The following CDC14B variants were observed in gnomAD, a reference collection of about 807,000 sequenced individuals.
CDC14B encodes dual specificity protein phosphatase CDC14B.
A neutral mutation model predicts 64.2 loss-of-function variants in CDC14B; 22 were observed. The observed-to-expected ratio is 0.34, with a 90% CI of 0.24 to 0.49. CDC14B has a LOEUF of 0.49. Ranked by LOEUF, CDC14B falls within the 20% of genes least tolerant of loss-of-function variation. The pLI is 0.99. For missense variants in CDC14B, 498 were observed against 629.9 expected, an observed-to-expected ratio of 0.79 and a Z score of 2.24; for synonymous variants, 191 against 215.8, an observed-to-expected ratio of 0.89 and a Z score of 1.01.
At chr9:96,577,196 A>G (rs879383114) in intron 1 of CDC14B, among the ~76,000 whole-genome samples, 4 of 151,702 alleles carry the variant, frequency 2.6e-5, no homozygotes, top group Non-Finnish European at 5.9e-5. Flanking sequence ...AGTTGCAGTG[A>G]GCAGAGATCA....
chr9:96,569,470 T>A (rs1844346659), intron 1 of CDC14B, among the ~76,000 whole-genome samples: 1 of 152,186 alleles, frequency 6.6e-6, no homozygotes, highest in Non-Finnish European at 1.5e-5. Flanking sequence ...GTATTTTATA[T>A]ATTACAGGTC....
intron 1 of CDC14B, among the ~76,000 whole-genome samples, chr9:96,607,097 A>C (rs1053502647): frequency 7.2e-5 from 11 of 152,076 alleles, no homozygotes; most frequent in African/African-American, 2.4e-4. Flanking sequence ...AAAAACAAAA[A>C]AAAATCTGAG....
At chr9:96,512,802 T>G (rs1463677353) in intron 12 of CDC14B, among the ~76,000 whole-genome samples, 1 of 151,626 alleles carries the variant, frequency 6.6e-6, no homozygotes, top group East Asian at 1.9e-4. Flanking sequence ...TCCGCTCCCC[T>G]CGGCCACTCC....
chr9:96,606,475 G>A (rs920832168), intron 1 of CDC14B, among the ~76,000 whole-genome samples: 1 of 151,356 alleles, frequency 6.6e-6, no homozygotes, highest in East Asian at 1.9e-4. Context: ...TTGAGCCCAG[G>A]AGTTCTAGAC....
Position 96,580,893 on chromosome 9 carries a change from T to G in CDC14B, c.161-15410A>C, listed in dbSNP as rs191133164. Among the ~76,000 whole-genome samples, 743 of 152,160 alleles carry G rather than the reference T, an allele frequency of 4.9e-3. 4 individuals carry two copies. Among genetic ancestry groups the G allele is most frequent in the Non-Finnish European group, 6.4e-3 (432 of 67,982 alleles). ...GCATGATATATGTAAACAGAATAAA[T>G]CAAAACTAAGCCTTATTTCTAAGGT... On this transcript the variant is annotated intron_variant, in intron 1 of 13. Coordinates refer to ENST00000375241, the MANE Select transcript of CDC14B (RefSeq NM_033331.4).
intron 4 of CDC14B, among the ~76,000 whole-genome samples, chr9:96,553,336 G>A (rs1221488953): frequency 6.7e-6 from 1 of 150,128 alleles, no homozygotes; most frequent in African/African-American, 2.5e-5. Flanking sequence ...TGACTGGCCT[G>A]TTTCTGTTTC....
chr9:96,594,420 A>G (rs1225425381), intron 1 of CDC14B, among the ~76,000 whole-genome samples: 1 of 152,204 alleles, frequency 6.6e-6, no homozygotes, highest in East Asian at 1.9e-4. Context: ...GAAAACTACT[A>G]AAGACCCAGG....
rs776010785 is a variant in CDC14B at position 96,549,642 on chromosome 9, C to T, written c.497+2154G>A. 2.9e-4 allele frequency among the ~76,000 whole-genome samples: 44 copies of T among 150,842 alleles called. 1 individual carries two copies. Among genetic ancestry groups the T allele is most frequent in the Admixed American group, 4.0e-4 (6 of 15,086 alleles). On this transcript the variant is annotated intron_variant, in intron 5 of 13. Coordinates refer to ENST00000375241, the MANE Select transcript of CDC14B (RefSeq NM_033331.4). ...ATTGCACCACTGCACTCCAGCTTAG[C>T]GACAGAGCAAGACTCCGTCTAAAAA...
rs1833462946 is a variant in CDC14B at position 96,500,444 on chromosome 9, C to G, written c.*3309G>C. On this transcript the variant is annotated 3_prime_UTR_variant, in exon 14 of 14. Coordinates refer to ENST00000375241, the MANE Select transcript of CDC14B (RefSeq NM_033331.4). ...ACATGAGTGCAGGTTAGATAAAAGT[C>G]TGCAAATTATTAATAGAAAACTGCA... The G allele has an allele frequency of 6.6e-6, 1 of 152,626 alleles. No homozygotes were observed. Among genetic ancestry groups the G allele is most frequent in the African/African-American group, 2.4e-5 (1 of 41,450 alleles). 9.5% of individuals were successfully genotyped at this position (152,626 alleles called of 1,614,324 possible). A position where few individuals can be genotyped will look rare whatever the true frequency, so the allele number is the denominator to read the frequency against.
At chr9:96,561,916 G>C (rs1029062096) in intron 4 of CDC14B, among the ~76,000 whole-genome samples, 5 of 152,138 alleles carry the variant, frequency 3.3e-5, no homozygotes, top group African/African-American at 1.2e-4. Context: ...CCAGACACAG[G>C]GGGTAGTACT....
intron 1 of CDC14B, among the ~76,000 whole-genome samples, chr9:96,582,643 G>C (rs1265439774): frequency 6.6e-6 from 1 of 152,130 alleles, no homozygotes; most frequent in Non-Finnish European, 1.5e-5. Flanking sequence ...CTTTCTGCAG[G>C]AAGTAAAAAA....
rs1321298761 is a variant in CDC14B, at chr9:96,604,229, G to A, written c.160+14990C>T. Among the ~76,000 whole-genome samples the A allele has an allele frequency of 3.9e-5, 6 of 152,054 alleles. No individual in the cohort carries two copies. The South Asian group carries it at 1.0e-3, about 26-fold the overall frequency. On this transcript the variant is annotated intron_variant, in intron 1 of 13. Coordinates refer to ENST00000375241, the MANE Select transcript of CDC14B (RefSeq NM_033331.4). ...GTTAGTCAAACTTCCAAGCTACAGT[G>A]ATGTTTATAAAGCCTTTCATAAAAA...
chr9:96,516,911 C>T (rs1413468380), intron 12 of CDC14B, among the ~76,000 whole-genome samples: 1 of 151,998 alleles, frequency 6.6e-6, no homozygotes, highest in Non-Finnish European at 1.5e-5. Flanking sequence ...GCCTCAGCCT[C>T]CCAAGCAACT....
chr9:96,520,132 G>A (rs574066964), intron 12 of CDC14B, among the ~76,000 whole-genome samples: 6 of 152,306 alleles, frequency 3.9e-5, no homozygotes, highest in South Asian at 2.1e-4. Flanking sequence ...TGTTGTAAGG[G>A]AGGAGGAAGG....
chr9:96,515,052 G>T lies in CDC14B; in HGVS notation c.1344-5263C>A. ...CTCCTACTTTCATTTAGCATCAAGT[G>T]CTACACACTGTACTTACTGTATTCC... On this transcript the variant is annotated intron_variant, in intron 12 of 13. Coordinates refer to ENST00000375241, the MANE Select transcript of CDC14B (RefSeq NM_033331.4). This position sits in a 1 kb window ranked among gnomAD's most constrained non-coding sequence, Gnocchi z 4.3. 1 of 314,420 alleles carries T rather than the reference G, an allele frequency of 3.2e-6. No homozygotes were observed. The highest frequency in any genetic ancestry group is 4.6e-6 in the Non-Finnish European group (1 of 216,400). 19.5% of individuals were successfully genotyped at this position (314,420 alleles called of 1,614,324 possible). A position where few individuals can be genotyped will look rare whatever the true frequency, so the allele number is the denominator to read the frequency against.
At chr9:96,561,568 T>G (rs1843197043) in intron 4 of CDC14B, among the ~76,000 whole-genome samples, 1 of 151,918 alleles carries the variant, frequency 6.6e-6, no homozygotes, top group African/African-American at 2.4e-5. Context: ...AAGCTCCACC[T>G]CCCGGGTTCA....
At chr9:96,536,392 TACATAG>T (rs1160985001) in intron 7 of CDC14B, among the ~76,000 whole-genome samples, 2 of 152,226 alleles carry the variant, frequency 1.3e-5, no homozygotes, top group African/African-American at 4.8e-5. Flanking sequence ...CAGTTTTGCT[TACATAG>T]ACAAAGTAAC....
At chr9:96,571,693 T>C (rs1844484235) in intron 1 of CDC14B, among the ~76,000 whole-genome samples, 1 of 152,164 alleles carries the variant, frequency 6.6e-6, no homozygotes, top group African/African-American at 2.4e-5. Flanking sequence ...CCAACTCCCA[T>C]AAGTTTTGTT....
chr9:96,616,135 G>C (rs1159783681), intron 1 of CDC14B, among the ~76,000 whole-genome samples: 1 of 151,908 alleles, frequency 6.6e-6, no homozygotes, highest in Non-Finnish European at 1.5e-5. Context: ...AGACCAGCCT[G>C]GCCAACATAG....
Sources: allele counts gnomAD v4.1 joint callset (sites outside exome capture counted in the v4.1 genomes callset), GRCh38; gene constraint gnomAD v4.1.1; non-coding constraint Gnocchi (gnomAD v3.1); transcripts MANE v1.5; gene names NCBI Gene and HGNC (gene_info 2026-07-23, HGNC 2026-07-21).